The following CADM2 variants were observed in gnomAD, a reference collection of about 807,000 sequenced individuals.
CADM2 encodes cell adhesion molecule 2, also known as immunoglobulin superfamily member 4D.
A neutral mutation model predicts 49.8 loss-of-function variants in CADM2; 12 were observed. The observed-to-expected ratio is 0.24, with a 90% CI of 0.15 to 0.39. The LOEUF is 0.39. CADM2 is among the 10% of genes least tolerant of loss of function. The probability of loss-of-function intolerance (pLI) is 1.00; values close to 1 mark genes in which losing one functional copy is unlikely to be tolerated. For synonymous variants in CADM2, 214 were observed against 175.4 expected, an observed-to-expected ratio of 1.22 and a Z score of -1.74; for missense variants, 378 against 492.3, an observed-to-expected ratio of 0.77 and a Z score of 2.20.
At chr3:85,916,339 A>T (rs1299421711) in intron 6 of CADM2, among the ~76,000 whole-genome samples, 1 of 109,246 alleles carries the variant, frequency 9.2e-6, no homozygotes, top group African/African-American at 3.6e-5. Context: ...ACCCCACAAC[A>T]TGCCCCAGTG....
chr3:85,188,904 A>C (rs904309145), intron 1 of CADM2, among the ~76,000 whole-genome samples: 1 of 151,664 alleles, frequency 6.6e-6, no homozygotes, highest in East Asian at 1.9e-4. Flanking sequence ...GGTGGCGGGC[A>C]CTTGTAGTCC....
intron 3 of CADM2, among the ~76,000 whole-genome samples, chr3:85,849,366 G>A (rs1238176843): frequency 6.6e-6 from 1 of 152,138 alleles, no homozygotes; most frequent in Non-Finnish European, 1.5e-5. Flanking sequence ...ATATGCTACT[G>A]TTTACTGAAT....
chr3:85,195,242 A>G lies in CADM2; in HGVS notation c.61+235574A>G, dbSNP rs77955051. Among the ~76,000 whole-genome samples the G allele has an allele frequency of 2.1e-3, 315 of 152,272 alleles. 1 individual carries two copies. The highest frequency in any genetic ancestry group is 7.5e-3 in the African/African-American group (310 of 41,574). ...GAATTGTTTGACTAAGTGATGTTATATAAGTTATTTAATTTCTGTAGAGTC... is the reference window on the plus strand; with the variant it reads ...GAATTGTTTGACTAAGTGATGTTATGTAAGTTATTTAATTTCTGTAGAGTC... On this transcript the variant is annotated intron_variant, in intron 1 of 9. Coordinates refer to ENST00000383699, the MANE Select transcript of CADM2 (RefSeq NM_001167675.2).
rs1553713688 is a variant in CADM2, at chr3:85,959,036, C to CTA, written c.792-2429_792-2428dup. Among the ~76,000 whole-genome samples, 4 of 148,906 alleles carry CTA rather than the reference C, an allele frequency of 2.7e-5. No individual in the cohort carries two copies. In the South Asian group the frequency reaches 6.3e-4, roughly 24 times the overall value. ...GAACTTAAATTAAAAAAATCTATAT[C>CTA]TATATCTATATATCTATATATCTAT... On this transcript the variant is annotated intron_variant, in intron 7 of 9. Transcript: ENST00000383699.
chr3:85,288,590 A>G (rs2043693727), intron 1 of CADM2, among the ~76,000 whole-genome samples: 1 of 152,110 alleles, frequency 6.6e-6, no homozygotes. Flanking sequence ...ATTCAATTGC[A>G]GGCATATTTC....
intron 1 of CADM2, among the ~76,000 whole-genome samples, chr3:85,124,955 A>G (rs1030382426): frequency 6.6e-6 from 1 of 152,218 alleles, no homozygotes; most frequent in Non-Finnish European, 1.5e-5. Flanking sequence ...AGTTAGGGCC[A>G]TCTGTATCAC....
At chr3:84,968,313 T>A (rs1177059781) in intron 1 of CADM2, among the ~76,000 whole-genome samples, 1 of 152,078 alleles carries the variant, frequency 6.6e-6, no homozygotes, top group Middle Eastern at 3.2e-3. Context: ...ATGTATTAGT[T>A]CTACGAGGTT....
At chr3:85,975,247 G>T (rs1418413893) in intron 8 of CADM2, among the ~76,000 whole-genome samples, 2 of 151,156 alleles carry the variant, frequency 1.3e-5, no homozygotes, top group African/African-American at 4.8e-5. Flanking sequence ...TATGTGGTGA[G>T]AATAAATTGG....
At chr3:85,321,574 T>G (rs1324083882) in intron 1 of CADM2, among the ~76,000 whole-genome samples, 3 of 152,156 alleles carry the variant, frequency 2.0e-5, no homozygotes, top group African/African-American at 7.2e-5. Flanking sequence ...GTTATTATGT[T>G]GTTCTCAATA....
intron 1 of CADM2, among the ~76,000 whole-genome samples, chr3:85,054,106 TATAA>T: frequency 6.6e-6 from 1 of 151,902 alleles, no homozygotes. Context: ...GTAAGGCAGA[TATAA>T]TAAAGGTTCT....
chr3:85,578,914 A>G (rs2107284403), intron 1 of CADM2, among the ~76,000 whole-genome samples: 1 of 152,268 alleles, frequency 6.6e-6, no homozygotes, highest in East Asian at 1.9e-4. Flanking sequence ...AAGGTGGAGA[A>G]CTCTTAAAAT....
intron 1 of CADM2, among the ~76,000 whole-genome samples, chr3:85,396,580 A>T (rs561237869): frequency 6.6e-6 from 1 of 152,076 alleles, no homozygotes; most frequent in Non-Finnish European, 1.5e-5. Flanking sequence ...AGAAATATGG[A>T]TAGATGATTT....
intron 6 of CADM2, among the ~76,000 whole-genome samples, chr3:85,915,678 A>G (rs1718199117): frequency 6.6e-6 from 1 of 152,174 alleles, no homozygotes; most frequent in African/African-American, 2.4e-5. Flanking sequence ...GAAGGAGGAA[A>G]GAAGAGCTCA....
At chr3:85,696,452 G>A (rs1339480052) in intron 1 of CADM2, among the ~76,000 whole-genome samples, 1 of 151,890 alleles carries the variant, frequency 6.6e-6, no homozygotes, top group Non-Finnish European at 1.5e-5. Flanking sequence ...TATATGATGA[G>A]AGATAGGGGC....
chr3:85,350,425 T>C (rs553924419), intron 1 of CADM2, among the ~76,000 whole-genome samples: 26 of 152,302 alleles, frequency 1.7e-4, no homozygotes, highest in Admixed American at 5.2e-4. Flanking sequence ...GATTTATTCC[T>C]AGTTTACCTC....
At chr3:85,555,070 G>GA (rs5850695) in intron 1 of CADM2, among the ~76,000 whole-genome samples, 4 of 150,882 alleles carry the variant, frequency 2.7e-5, no homozygotes, top group Admixed American at 1.3e-4. Context: ...GGTGATCTAG[G>GA]AAAAAAAAAT....
intron 1 of CADM2, among the ~76,000 whole-genome samples, chr3:85,143,051 G>A (rs1349454725): frequency 6.6e-6 from 1 of 152,062 alleles, no homozygotes; most frequent in Non-Finnish European, 1.5e-5. Context: ...AATATGTCAA[G>A]AATTATTAAT....
Position 86,051,662 on chromosome 3 carries a change from G to A in CADM2, c.971-13943G>A, listed in dbSNP as rs187411738. 3.6e-3 allele frequency among the ~76,000 whole-genome samples: 541 copies of A among 152,264 alleles called. 6 individuals carry two copies. Among genetic ancestry groups the A allele is most frequent in the Middle Eastern group, 0.014 (4 of 294 alleles). On this transcript the variant is annotated intron_variant, in intron 8 of 9. Transcript: ENST00000383699. ...CCTGGCATCTGCTGGACTTCTGCAG[G>A]GGAGGAAGCCCAGGTAACTTACAAT...
rs1447940836 is a variant in CADM2 at position 84,982,743 on chromosome 3, TG to T, written c.61+23076del. ...TATATATATATATATATACATTTTT[TG>T]TTTTTTTAATTTTTTTTTTGAGACT... On this transcript the variant is annotated intron_variant, in intron 1 of 9. Coordinates refer to ENST00000383699, the MANE Select transcript of CADM2 (RefSeq NM_001167675.2). 1.5e-3 allele frequency among the ~76,000 whole-genome samples: 117 copies of T among 80,374 alleles called. 3 individuals carry two copies. Among genetic ancestry groups the T allele is most frequent in the East Asian group, 3.3e-3 (12 of 3,654 alleles). 52.7% of individuals were successfully genotyped at this position (80,374 alleles called of 152,430 possible).
Sources: allele counts gnomAD v4.1 joint callset (sites outside exome capture counted in the v4.1 genomes callset), GRCh38; gene constraint gnomAD v4.1.1; transcripts MANE v1.5; gene names NCBI Gene and HGNC (gene_info 2026-07-23, HGNC 2026-07-21).